BFSP2: variants seen among roughly 807,000 people sequenced by gnomAD.
The protein encoded by BFSP2 is beaded filament structural protein 2, also known as phakinin.
Under a neutral mutation model 44.9 loss-of-function variants are expected in BFSP2, and 38 were observed. The observed-to-expected ratio is 0.85, with a 90% CI of 0.65 to 1.11. The LOEUF is 1.11. Ranked by LOEUF, BFSP2 falls within the 50% of genes least tolerant of loss-of-function variation. The pLI, the probability that BFSP2 is intolerant of heterozygous loss-of-function variation, is 0.00. For missense variants in BFSP2, 525 were observed against 533.0 expected, an observed-to-expected ratio of 0.99 and a Z score of 0.15; for synonymous variants, 197 against 209.9, an observed-to-expected ratio of 0.94 and a Z score of 0.53.
rs568802111 is a variant in BFSP2 at position 133,400,687 on chromosome 3, C to T, written c.489+115C>T. 13 of 1,451,962 alleles carry T rather than the reference C, an allele frequency of 9.0e-6. No homozygotes were observed. The South Asian group carries it at 1.6e-4, about 18-fold the overall frequency. 89.9% of individuals were successfully genotyped at this position (1,451,962 alleles called of 1,614,324 possible). A position where few individuals can be genotyped will look rare whatever the true frequency, so the allele number is the denominator to read the frequency against. Reference sequence around the variant, plus strand: ...GAGAAACTGACCATAATCCCCTACACTTTCACACTTAAAATGGTAATGATA... The same window carrying T: ...GAGAAACTGACCATAATCCCCTACATTTTCACACTTAAAATGGTAATGATA... On this transcript the variant is annotated intron_variant, in intron 1 of 6. Coordinates refer to ENST00000302334, the MANE Select transcript of BFSP2 (RefSeq NM_003571.4). The surrounding 1 kb of genome is among the most constrained non-coding windows in gnomAD (Gnocchi z 4.0).
chr3:133,465,252 C>T (rs1017426395), intron 4 of BFSP2, among the ~76,000 whole-genome samples: 7 of 151,964 alleles, frequency 4.6e-5, no homozygotes, highest in African/African-American at 1.7e-4. Context: ...GGTGATCCAC[C>T]CACCTCGGCC....
intron 5 of BFSP2, among the ~76,000 whole-genome samples, chr3:133,470,699 T>C (rs1181891768): frequency 6.6e-6 from 1 of 152,196 alleles, no homozygotes; most frequent in Non-Finnish European, 1.5e-5. Context: ...ACCAAGAACC[T>C]ATTCTGTGCC....
At chr3:133,474,812 A>C (rs1023901222) in intron 6 of BFSP2, among the ~76,000 whole-genome samples, 157 bp from the exon 7 acceptor site, 1 of 152,248 alleles carries the variant, frequency 6.6e-6, no homozygotes, top group Admixed American at 6.5e-5. Context: ...AAGGTCTCAC[A>C]GCAAATAACC....
intron 6 of BFSP2, 149 bp downstream of exon 6, chr3:133,472,714 C>G: frequency 1.2e-6 from 1 of 832,176 alleles, no homozygotes. Context: ...CTAGCTGTGT[C>G]CTTCCTTTCC....
intron 5 of BFSP2, among the ~76,000 whole-genome samples, chr3:133,467,622 T>G (rs2074124572): frequency 6.6e-6 from 1 of 152,084 alleles, no homozygotes; most frequent in Admixed American, 6.5e-5. Flanking sequence ...TTATTAATTA[T>G]TTATTAAAAT....
At chr3:133,402,099 G>A (rs2073367044) in intron 1 of BFSP2, among the ~76,000 whole-genome samples, 2 of 152,058 alleles carry the variant, frequency 1.3e-5, no homozygotes, top group African/African-American at 4.8e-5. Flanking sequence ...TCCAAATATT[G>A]TGCCATAACA....
At chr3:133,456,706 G>A (rs1008816774) in intron 4 of BFSP2, among the ~76,000 whole-genome samples, 1 of 152,098 alleles carries the variant, frequency 6.6e-6, no homozygotes, top group Non-Finnish European at 1.5e-5. Flanking sequence ...AGCTCTGATC[G>A]CACCACTGCA....
At chr3:133,417,427 C>T (rs1438352828) in intron 1 of BFSP2, among the ~76,000 whole-genome samples, 2 of 125,434 alleles carry the variant, frequency 1.6e-5, no homozygotes, top group African/African-American at 6.3e-5. Context: ...CCACCCTCTC[C>T]CTTCTACTCA....
chr3:133,445,936 A>G (rs1026860716), intron 1 of BFSP2, among the ~76,000 whole-genome samples: 8 of 152,304 alleles, frequency 5.3e-5, no homozygotes, highest in African/African-American at 1.7e-4. Context: ...TTTTAAGCCA[A>G]TATTAGTCCT....
chr3:133,410,748 A>G, intron 1 of BFSP2: 1 of 228,088 alleles, frequency 4.4e-6, no homozygotes, highest in Admixed American at 4.6e-5. Context: ...GCGCTACAGT[A>G]GCCAATCCCA....
rs569493391 is a variant in BFSP2 at position 133,405,502 on chromosome 3, T to G, written c.489+4930T>G. Among the ~76,000 whole-genome samples, 38 of 152,234 alleles carry G rather than the reference T, an allele frequency of 2.5e-4. No individual in the cohort carries two copies. In the South Asian group the frequency reaches 4.2e-3, roughly 17 times the overall value. ...TGGGCCAGGTTTCTCCCACAGAACT[T>G]GTGGTCCTAGAAGGCTCTCTTTTTA... On this transcript the variant is annotated intron_variant, in intron 1 of 6. Transcript: ENST00000302334.
At chr3:133,459,625 T>G (rs554731231) in intron 4 of BFSP2, among the ~76,000 whole-genome samples, 2 of 152,212 alleles carry the variant, frequency 1.3e-5, no homozygotes, top group Non-Finnish European at 1.5e-5. Context: ...TGAAGTTTCA[T>G]TGAGTGAGGC....
intron 4 of BFSP2, among the ~76,000 whole-genome samples, chr3:133,463,865 A>G (rs1392659351): frequency 6.6e-6 from 1 of 152,174 alleles, no homozygotes; most frequent in Non-Finnish European, 1.5e-5. Flanking sequence ...CGCCCTGTTC[A>G]TGTCTGACTG....
chr3:133,412,933 G>A (rs1413732218), intron 1 of BFSP2, among the ~76,000 whole-genome samples: 1 of 152,226 alleles, frequency 6.6e-6, no homozygotes, highest in Non-Finnish European at 1.5e-5. Context: ...AAGAGAACCA[G>A]GATGCTGGTT....
At chr3:133,463,069 G>C (rs931545073) in intron 4 of BFSP2, among the ~76,000 whole-genome samples, 1 of 152,214 alleles carries the variant, frequency 6.6e-6, no homozygotes, top group African/African-American at 2.4e-5. Context: ...AGCACTTTGG[G>C]AAGCTGAAGC....
chr3:133,447,900 A>G (rs1278814235), intron 2 of BFSP2, among the ~76,000 whole-genome samples: 1 of 152,220 alleles, frequency 6.6e-6, no homozygotes, highest in Non-Finnish European at 1.5e-5. Flanking sequence ...TAATTAAATC[A>G]GAGTCCCCAG....
intron 6 of BFSP2, among the ~76,000 whole-genome samples, chr3:133,473,378 C>G (rs977577295): frequency 6.7e-6 from 1 of 148,244 alleles, no homozygotes; most frequent in Non-Finnish European, 1.5e-5. Flanking sequence ...CATATGCCAG[C>G]CACAGATCCA....
intron 1 of BFSP2, among the ~76,000 whole-genome samples, chr3:133,444,811 T>C (rs1000013666): frequency 6.6e-6 from 1 of 152,126 alleles, no homozygotes; most frequent in African/African-American, 2.4e-5. Context: ...TAAAATGGGC[T>C]CCCTGGACCA....
intron 1 of BFSP2, among the ~76,000 whole-genome samples, chr3:133,422,032 G>A (rs542632763): frequency 2.4e-4 from 36 of 150,570 alleles, no homozygotes; most frequent in Admixed American, 2.0e-3. Flanking sequence ...GCTTGAAACC[G>A]GGAGGCAGAG....
Sources: allele counts gnomAD v4.1 joint callset (sites outside exome capture counted in the v4.1 genomes callset), GRCh38; gene constraint gnomAD v4.1.1; non-coding constraint Gnocchi (gnomAD v3.1); transcripts MANE v1.5; gene names NCBI Gene and HGNC (gene_info 2026-07-23, HGNC 2026-07-21).